Variants in CCR5AS observed in about 807,000 individuals in gnomAD.
The protein encoded by CCR5AS is CCR5 antisense RNA.
intron 1 of CCR5AS, among the ~76,000 whole-genome samples, chr3:46,398,150 A>G (rs1297487092): frequency 6.6e-6 from 1 of 152,152 alleles, no homozygotes; most frequent in Non-Finnish European, 1.5e-5. Context: ...CTGAGACTAC[A>G]AATCCTGTGC....
chr3:46,398,794 C>T lies in CCR5AS; in HGVS notation n.164-5742G>A, dbSNP rs529934421. Among the ~76,000 whole-genome samples the T allele has an allele frequency of 5.3e-5, 8 of 152,154 alleles. No homozygotes were observed. In the South Asian group the frequency reaches 1.7e-3, roughly 32 times the overall value. ...TCTTTCTAGGAATGCATATTCACCCCCCAAGGCCACTTGTCTCCTGATTGG... is the reference window on the plus strand; with the variant it reads ...TCTTTCTAGGAATGCATATTCACCCTCCAAGGCCACTTGTCTCCTGATTGG... On this transcript the variant is annotated intron_variant and non_coding_transcript_variant, in intron 1 of 3. Coordinates refer to ENST00000451485, the Ensembl canonical transcript of CCR5AS.
At chr3:46,388,398 T>C (rs1701880709) in intron 2 of CCR5AS, among the ~76,000 whole-genome samples, 1 of 152,114 alleles carries the variant, frequency 6.6e-6, no homozygotes, top group South Asian at 2.1e-4. Context: ...TTGTATGAAT[T>C]GAGAAACTAA....
chr3:46,388,204 G>A (rs1000347495), intron 2 of CCR5AS, among the ~76,000 whole-genome samples: 1 of 152,094 alleles, frequency 6.6e-6, no homozygotes, highest in Non-Finnish European at 1.5e-5. Context: ...TTTTGGGGGT[G>A]GTATGGAGAG....
At chr3:46,373,010 C>G in intron 2 of CCR5AS, 1 of 1,614,148 alleles carries the variant, frequency 6.2e-7, no homozygotes, top group Non-Finnish European at 8.5e-7. Context: ...TGCCTCCGCT[C>G]TACTCACTGG....
intron 2 of CCR5AS, among the ~76,000 whole-genome samples, chr3:46,391,551 ACT>A (rs1216830102): frequency 6.6e-6 from 1 of 152,064 alleles, no homozygotes; most frequent in Non-Finnish European, 1.5e-5. Context: ...CAGGCCATGG[ACT>A]CAGCTGGGTT....
At chr3:46,376,819 G>A (rs1159456819) in intron 2 of CCR5AS, among the ~76,000 whole-genome samples, 1 of 152,186 alleles carries the variant, frequency 6.6e-6, no homozygotes, top group Non-Finnish European at 1.5e-5. Context: ...TGAACATGCT[G>A]GTTTTCAGTC....
Position 46,393,232 on chromosome 3 carries a change from A to T in CCR5AS, n.164-180T>A, listed in dbSNP as rs112195154. Among the ~76,000 whole-genome samples the T allele has an allele frequency of 7.4e-4, 113 of 152,226 alleles. 1 individual carries two copies. Among genetic ancestry groups the T allele is most frequent in the African/African-American group, 2.6e-3 (108 of 41,544 alleles). On this transcript the variant is annotated intron_variant and non_coding_transcript_variant, in intron 1 of 3. Transcript: ENST00000451485. ...AGAAGGAATGTCACAAGGTCAATTG[A>T]TCAGTTGGGGTGGGGCAGGAACAAA...
chr3:46,383,135 G>C (rs546410485), intron 2 of CCR5AS, among the ~76,000 whole-genome samples: 1 of 152,226 alleles, frequency 6.6e-6, no homozygotes, highest in Non-Finnish European at 1.5e-5. Context: ...AGCACTGGCC[G>C]ACCAGAGTCA....
intron 3 of CCR5AS, among the ~76,000 whole-genome samples, chr3:46,367,887 A>G (rs1016483789): frequency 1.3e-5 from 2 of 152,186 alleles, no homozygotes; most frequent in Non-Finnish European, 2.9e-5. Flanking sequence ...ATTTGTTTTT[A>G]AAAATAAAAG....
intron 2 of CCR5AS, chr3:46,373,981 G>A: frequency 6.5e-7 from 1 of 1,533,490 alleles, no homozygotes; most frequent in South Asian, 1.3e-5. Flanking sequence ...AAGTGGGCTG[G>A]TGACCCAGTC....
intron 2 of CCR5AS, among the ~76,000 whole-genome samples, chr3:46,378,157 A>G (rs560965940): frequency 3.5e-4 from 53 of 152,346 alleles, no homozygotes; most frequent in Admixed American, 1.9e-3. Flanking sequence ...GATAGCTCCT[A>G]TACTTTGAAA....
intron 1 of CCR5AS, among the ~76,000 whole-genome samples, chr3:46,394,414 T>C (rs1701942045): frequency 6.6e-6 from 1 of 152,168 alleles, no homozygotes; most frequent in Non-Finnish European, 1.5e-5. Context: ...ATTCTTAGCA[T>C]GGCCACAGGA....
At chr3:46,404,059 C>T (rs1702024170) in intron 1 of CCR5AS, among the ~76,000 whole-genome samples, 1 of 152,188 alleles carries the variant, frequency 6.6e-6, no homozygotes, top group Admixed American at 6.5e-5. Context: ...GAATGAAGAG[C>T]TGAAAGGCGA....
intron 1 of CCR5AS, among the ~76,000 whole-genome samples, chr3:46,406,576 C>G (rs764359483): frequency 4.6e-5 from 7 of 152,116 alleles, no homozygotes; most frequent in Non-Finnish European, 8.8e-5. Context: ...CACATTCTCT[C>G]CCACCCAACT....
At chr3:46,375,832 T>C (rs908516389) in intron 2 of CCR5AS, 5 of 166,766 alleles carry the variant, frequency 3.0e-5, no homozygotes, top group African/African-American at 1.2e-4. Context: ...TCTCATATGA[T>C]TGTGCACATA....
intron 2 of CCR5AS, among the ~76,000 whole-genome samples, chr3:46,387,324 C>T (rs1465298943): frequency 6.6e-6 from 1 of 152,184 alleles, no homozygotes. Context: ...TTTTCCAAGT[C>T]CACATGTCCG....
chr3:46,377,163 G>A (rs952263035), intron 2 of CCR5AS, among the ~76,000 whole-genome samples: 3 of 152,164 alleles, frequency 2.0e-5, no homozygotes, highest in South Asian at 2.1e-4. Flanking sequence ...TCAATTGCTC[G>A]TTTTTCCTTT....
intron 2 of CCR5AS, among the ~76,000 whole-genome samples, chr3:46,391,394 TTG>T (rs1350208009): frequency 1.3e-5 from 2 of 152,122 alleles, no homozygotes; most frequent in Non-Finnish European, 2.9e-5. Flanking sequence ...TTAAATCCTG[TTG>T]TGGGGTTTGA....
intron 2 of CCR5AS, among the ~76,000 whole-genome samples, chr3:46,384,886 TAG>T (rs1430318374): frequency 7.2e-4 from 109 of 151,744 alleles, no homozygotes; most frequent in Non-Finnish European, 1.4e-3. Context: ...GATAGATAGA[TAG>T]ATAGATAGAT....
Sources: allele counts gnomAD v4.1 joint callset (sites outside exome capture counted in the v4.1 genomes callset), GRCh38; gene constraint gnomAD v4.1.1; transcripts MANE v1.5; gene names NCBI Gene and HGNC (gene_info 2026-07-23, HGNC 2026-07-21).